BMP4: variants seen among roughly 807,000 people sequenced by gnomAD.
BMP4 encodes the protein bone morphogenetic protein 2B.
In BMP4, 3 loss-of-function variants were observed where a neutral mutation model predicts 29.6. The observed-to-expected ratio is 0.10, with a 90% CI of 0.05 to 0.26. The LOEUF is 0.26. Ranked by LOEUF, BMP4 falls within the 10% of genes least tolerant of loss-of-function variation. The pLI, the probability that BMP4 is intolerant of heterozygous loss-of-function variation, is 1.00. For missense variants in BMP4, 455 were observed against 550.2 expected, an observed-to-expected ratio of 0.83 and a Z score of 1.73; for synonymous variants, 197 against 213.2, an observed-to-expected ratio of 0.92 and a Z score of 0.66.
chr14:53,951,779 T>TC (rs1209297204), intron 3 of BMP4, 74 bp downstream of exon 3: 1 of 1,566,294 alleles, frequency 6.4e-7, no homozygotes, highest in Admixed American at 1.8e-5. Context: ...GAACTCTTCT[T>TC]CCCCAGGGCT....
chr14:53,951,994 C>T lies in BMP4; in HGVS notation c.229G>A (p.Ala77Thr). The change falls in exon 3 of 4, where the codon GCC (alanine) becomes ACC (threonine). Residue 77 changes from alanine to threonine, a missense_variant. Around this residue, in one of 4 missense-constraint regions of BMP4, gnomAD observed 249 missense variants for 284.6 expected, o/e 0.87. Transcript: ENST00000245451. ...LRRRPQPSKS[A>T]VIPDYMRDLY... ...TCCCGCATGTAGTCCGGAATGACGG[C>T]ACTCTTGCTAGGCTGCGGGCGGCGG... 3 of 1,613,728 alleles carry T rather than the reference C, an allele frequency of 1.9e-6. No homozygotes were observed. The highest frequency in any genetic ancestry group is 2.5e-6 in the Non-Finnish European group (3 of 1,180,052).
intron 3 of BMP4, chr14:53,951,373 C>G (rs767714203): frequency 4.7e-6 from 1 of 212,114 alleles, no homozygotes; most frequent in Non-Finnish European, 9.5e-6. Context: ...ACAGAGCATG[C>G]CTTGTTGATC....
At chr14:53,953,611 G>C (rs1320960487) in intron 1 of BMP4, among the ~76,000 whole-genome samples, 9 of 151,670 alleles carry the variant, frequency 5.9e-5, no homozygotes, top group Admixed American at 5.2e-4. Flanking sequence ...GAGCCTCAGC[G>C]GTCCGGGAGG....
intron 2 of BMP4, among the ~76,000 whole-genome samples, chr14:53,953,003 C>T (rs971981456): frequency 2.0e-5 from 3 of 152,134 alleles, no homozygotes; most frequent in Non-Finnish European, 4.4e-5. Context: ...GTGGTTAGCC[C>T]TCAAGGTACA....
Position 53,951,986 on chromosome 14 carries a change from A to T in BMP4, c.237T>A (p.Ile79=). The change falls in exon 3 of 4, where the codon ATT becomes ATA. Residue 79 remains isoleucine, a synonymous_variant. Transcript: ENST00000245451. ...RRPQPSKSAV[I]PDYMRDLYRL... ...GGTAAAGATCCCGCATGTAGTCCGG[A>T]ATGACGGCACTCTTGCTAGGCTGCG... 1 of 1,613,450 alleles carries T rather than the reference A, an allele frequency of 6.2e-7. No individual in the cohort carries two copies. The highest frequency in any genetic ancestry group is 8.5e-7 in the Non-Finnish European group (1 of 1,180,042).
At position 53,950,470 on chromosome 14, in the gene BMP4, C is replaced by T. The variant is rs1895329379; in HGVS notation, c.789G>A (p.Gly263=). Residue 263 remains glycine, a synonymous_variant, in exon 4 of 4, where the codon GGG becomes GGA. Transcript: ENST00000245451. This position sits in a 1 kb window ranked among gnomAD's most constrained non-coding sequence, Gnocchi z 5.4. ...GGAGGGGCCGGAGCTGGGCCCAATT[C>T]CCACTCCCTTGAGGTAACGATCGGC... The part of the protein sequence containing the change: ...RISRSLPQGS[G]NWAQLRPLLV... 1.9e-6 allele frequency: 3 copies of T among 1,613,930 alleles called. No homozygotes were observed. The African/African-American group carries it at 4.0e-5, about 22-fold the overall frequency.
At position 53,951,906 on chromosome 14, in the gene BMP4, T is replaced by C. The variant is rs1344050675; in HGVS notation, c.317A>G (p.Tyr106Cys). The C allele has an allele frequency of 6.2e-7, 1 of 1,602,636 alleles. No homozygotes were observed. Among genetic ancestry groups the C allele is most frequent in the Non-Finnish European group, 8.5e-7 (1 of 1,179,958 alleles). The change falls in exon 3 of 4, where the codon TAT (tyrosine) becomes TGT (cysteine). Residue 106 changes from tyrosine to cysteine, a missense_variant. Tyr to Cys is a radical substitution (Grantham distance 194). Around this residue, in one of 4 missense-constraint regions of BMP4, gnomAD observed 249 missense variants for 284.6 expected, o/e 0.87. Transcript: ENST00000245451. ...EEQIHSTGLEYPERPASRANT... is the reference protein window; with the variant it reads ...EEQIHSTGLECPERPASRANT... Reference sequence around the variant, plus strand: ...GGCCCGGCTGGCCGGGCGCTCAGGATACTCAAGACCAGTGCTGTGGATCTG... The same window carrying C: ...GGCCCGGCTGGCCGGGCGCTCAGGACACTCAAGACCAGTGCTGTGGATCTG...
At position 53,951,993 on chromosome 14, in the gene BMP4, G is replaced by A. The variant is rs1469412041; in HGVS notation, c.230C>T (p.Ala77Val). 1 of 1,613,526 alleles carries A rather than the reference G, an allele frequency of 6.2e-7. No homozygotes were observed. Among genetic ancestry groups the A allele is most frequent in the Non-Finnish European group, 8.5e-7 (1 of 1,180,034 alleles). The change falls in exon 3 of 4, where the codon GCC (alanine) becomes GTC (valine). Residue 77 changes from alanine to valine, a missense_variant. Coordinates refer to ENST00000245451, the MANE Select transcript of BMP4 (RefSeq NM_001202.6). ...LRRRPQPSKS[A>V]VIPDYMRDLY... is the part of the protein sequence containing the mutation. ...ATCCCGCATGTAGTCCGGAATGACG[G>A]CACTCTTGCTAGGCTGCGGGCGGCG...
rs1224098940 is a variant in BMP4, at chr14:53,954,190, G to A, written c.-132-790C>T. 6.6e-6 allele frequency among the ~76,000 whole-genome samples: 1 copy of A among 152,026 alleles called. No individual in the cohort carries two copies. The highest frequency in any genetic ancestry group is 2.4e-5 in the African/African-American group (1 of 41,426). On this transcript the variant is annotated intron_variant, in intron 1 of 3. Coordinates refer to ENST00000245451, the MANE Select transcript of BMP4 (RefSeq NM_001202.6). This position sits in a 1 kb window ranked among gnomAD's most constrained non-coding sequence, Gnocchi z 4.8. ...GGGAGCGGCTGTTAGTCATTGCTCC[G>A]GGTCCATTACCGAGAATCCCCAAAC...
rs971330331 is a variant in BMP4 at position 53,955,261 on chromosome 14, G to C, written c.-133+1289C>G. 6.6e-6 allele frequency among the ~76,000 whole-genome samples: 1 copy of C among 152,008 alleles called. No individual in the cohort carries two copies. The highest frequency in any genetic ancestry group is 2.4e-5 in the African/African-American group (1 of 41,302). On this transcript the variant is annotated intron_variant, in intron 1 of 3. Transcript: ENST00000245451. The surrounding 1 kb of genome is among the most constrained non-coding windows in gnomAD (Gnocchi z 4.0). ...GCAAGCTGTGCCCGCGGGGCAAAGG[G>C]ACAGTAGAAGGGGCGGGCGCCCGGG...
chr14:53,952,346 A>G, intron 2 of BMP4, 117 bp from the exon 3 acceptor site: 2 of 1,282,938 alleles, frequency 1.6e-6, no homozygotes, highest in South Asian at 2.9e-5. Context: ...CAAGATGGAA[A>G]GCAGGTCAGA....
Position 53,950,331 on chromosome 14 carries a change from G to A in BMP4, c.928C>T (p.Arg310Cys), listed in dbSNP as rs770777693. The change falls in exon 4 of 4, where the codon CGC becomes TGC. Residue 310 changes from arginine (R) to cysteine (C), a missense_variant. Coordinates refer to ENST00000245451, the MANE Select transcript of BMP4 (RefSeq NM_001202.6). This position sits in a 1 kb window ranked among gnomAD's most constrained non-coding sequence, Gnocchi z 5.4. ...CTGAAGTCCACATAGAGCGAGTGGCGCCGGCAGTTCTTATTCTTCTTCCTG... is the reference window on the plus strand; with the variant it reads ...CTGAAGTCCACATAGAGCGAGTGGCACCGGCAGTTCTTATTCTTCTTCCTG... ...RARKKNKNCR[R>C]HSLYVDFSDV... 1 of 1,614,128 alleles carries A rather than the reference G, an allele frequency of 6.2e-7. No homozygotes were observed. Among genetic ancestry groups the A allele is most frequent in the Non-Finnish European group, 8.5e-7 (1 of 1,180,022 alleles).
intron 3 of BMP4, among the ~76,000 whole-genome samples, chr14:53,951,139 T>C (rs1389406069): frequency 6.6e-6 from 1 of 152,196 alleles, no homozygotes; most frequent in African/African-American, 2.4e-5. Flanking sequence ...GCCTCCTTGA[T>C]ATGTCTAATA....
chr14:53,951,802 C>G, intron 3 of BMP4, 51 bp downstream of exon 3: 1 of 1,592,498 alleles, frequency 6.3e-7, no homozygotes, highest in Non-Finnish European at 8.5e-7. Context: ...CACTGCCCCT[C>G]TAGCCAGTCC....
At position 53,955,139 on chromosome 14, in the gene BMP4, G is replaced by T. The variant is rs931846707; in HGVS notation, c.-133+1411C>A. ...CGCTGGGGCGGGCTGCGAAAGGGTT[G>T]GGAAGAGCAAAGGGTTTTTTTGTTT... On this transcript the variant is annotated intron_variant, in intron 1 of 3. Coordinates refer to ENST00000245451, the MANE Select transcript of BMP4 (RefSeq NM_001202.6). This position sits in a 1 kb window ranked among gnomAD's most constrained non-coding sequence, Gnocchi z 4.0. Among the ~76,000 whole-genome samples the T allele has an allele frequency of 2.0e-5, 3 of 152,174 alleles. No homozygotes were observed. The highest frequency in any genetic ancestry group is 4.4e-5 in the Non-Finnish European group (3 of 68,020).
rs2035355190 is a variant in BMP4 at position 53,950,803 on chromosome 14, C to T, written c.456G>A (p.Val152=). Residue 152 remains valine, a synonymous_variant, in exon 4 of 4, where the codon GTG becomes GTA. Coordinates refer to ENST00000245451, the MANE Select transcript of BMP4 (RefSeq NM_001202.6). The surrounding 1 kb of genome is among the most constrained non-coding windows in gnomAD (Gnocchi z 5.4). The part of the protein sequence containing the change: ...FNLSSIPENE[V]ISSAELRLFR... ...AGAGCCGAAGCTCTGCAGAGGAGATCACCTCGTTCTCAGGGATGCTGCTGA... is the reference window on the plus strand; with the variant it reads ...AGAGCCGAAGCTCTGCAGAGGAGATTACCTCGTTCTCAGGGATGCTGCTGA... 3.7e-6 allele frequency: 6 copies of T among 1,613,288 alleles called. No homozygotes were observed. The highest frequency in any genetic ancestry group is 2.7e-5 in the African/African-American group (2 of 75,052).
At chr14:53,956,882 C>A, upstream of BMP4, 1 of 379,582 alleles carries the variant, frequency 2.6e-6, no homozygotes, top group Non-Finnish European at 4.7e-6. Flanking sequence ...TCTTCCCCGG[C>A]GGCCCCTCCC....
In BMP4 at chr14:53,950,616, A is replaced by G. The variant is rs1369424398; in HGVS notation, c.643T>C (p.Phe215Leu). Reference sequence around the variant, plus strand: ...CGAAGGACCGCAGGGCTCACATCAAAAGTTTCCCACCGTGTCACATTGTGG... The same window carrying G: ...CGAAGGACCGCAGGGCTCACATCAAGAGTTTCCCACCGTGTCACATTGTGG... ...VHHNVTRWETFDVSPAVLRWT... is the reference protein window; with the variant it reads ...VHHNVTRWETLDVSPAVLRWT... Residue 215 changes from phenylalanine (F) to leucine (L), a missense_variant, in exon 4 of 4, where the codon TTT becomes CTT. Around this residue, in one of 4 missense-constraint regions of BMP4, gnomAD observed 4 missense variants for 18.4 expected, o/e 0.22. Coordinates refer to ENST00000245451, the MANE Select transcript of BMP4 (RefSeq NM_001202.6). This position sits in a 1 kb window ranked among gnomAD's most constrained non-coding sequence, Gnocchi z 5.4. 6.2e-7 allele frequency: 1 copy of G among 1,614,090 alleles called. No homozygotes were observed. Among genetic ancestry groups the G allele is most frequent in the Non-Finnish European group, 8.5e-7 (1 of 1,180,040 alleles).
rs1171733069 is a variant in BMP4, at chr14:53,950,495, C to T, written c.764G>A (p.Ser255Asn). 1 of 1,614,184 alleles carries T rather than the reference C, an allele frequency of 6.2e-7. No individual in the cohort carries two copies. Among genetic ancestry groups the T allele is most frequent in the Admixed American group, 1.7e-5 (1 of 60,034 alleles). ...RTHQGQHVRI[S>N]RSLPQGSGNW... ...CCCACTCCCTTGAGGTAACGATCGG[C>T]TAATCCTGACATGCTGGCCCTGGTG... is the stretch of plus-strand genomic sequence containing the variant. The change falls in exon 4 of 4, where the codon AGC (serine) becomes AAC (asparagine). Residue 255 changes from serine to asparagine, a missense_variant. Ser to Asn is a conservative substitution (Grantham distance 46, BLOSUM62 1). Transcript: ENST00000245451. This position sits in a 1 kb window ranked among gnomAD's most constrained non-coding sequence, Gnocchi z 5.4.
Sources: allele counts gnomAD v4.1 joint callset (sites outside exome capture counted in the v4.1 genomes callset), GRCh38; gene constraint gnomAD v4.1.1; regional missense constraint gnomAD v4.1.1; non-coding constraint Gnocchi (gnomAD v3.1); transcripts MANE v1.5; gene names NCBI Gene and HGNC (gene_info 2026-07-23, HGNC 2026-07-21).